Variants in STARD9 observed in about 807,000 individuals in gnomAD.
STARD9 encodes stAR-related lipid transfer protein 9.
STARD9 carries 346 observed loss-of-function variants against 399.8 expected under a neutral mutation model. The ratio of observed to expected loss-of-function variants is 0.87; its 90% CI spans 0.79 to 0.95. STARD9 has a LOEUF of 0.95. Among genes scored for constraint, STARD9 ranks in the 40% least tolerant of loss-of-function variants. STARD9 has a pLI of 0.00. For synonymous variants in STARD9, 2,203 were observed against 2,143.5 expected (o/e 1.03, Z -0.77); for missense variants, 5,832 against 5,667.5 (o/e 1.03, Z -0.93).
In STARD9 at chr15:42,626,423, CTCT is replaced by C. The variant is rs373300237; in HGVS notation, c.235-8421_235-8419del. On this transcript the variant is annotated intron_variant, in intron 3 of 32. Transcript: ENST00000290607. ...CCTCCTCTTCTTCCTCCTCCTCCTC[CTCT>C]TCTTCTTCTTCCTTCTCCTCCTCCT... is the stretch of plus-strand genomic sequence containing the variant. Among the ~76,000 whole-genome samples the C allele has an allele frequency of 9.3e-3, 1,372 of 148,024 alleles. 9 individuals carry two copies. Among genetic ancestry groups the C allele is most frequent in the East Asian group, 0.026 (130 of 5,034 alleles).
At chr15:42,671,366 A>G (rs1351679236) in intron 16 of STARD9, 1 of 152,158 alleles carries the variant, frequency 6.6e-6, no homozygotes, top group Non-Finnish European at 1.5e-5. Context: ...TTTTGTGCAG[A>G]GGGGTGCTTC....
chr15:42,677,435 A>G (rs2060333525), intron 20 of STARD9, among the ~76,000 whole-genome samples: 1 of 152,212 alleles, frequency 6.6e-6, no homozygotes, highest in African/African-American at 2.4e-5. Context: ...AAGAGGTGAC[A>G]CAAGGTGGAC....
Position 42,604,626 on chromosome 15 carries a change from ATTTTTTTTTTT to A in STARD9, c.234+19009_234+19019del, listed in dbSNP as rs11349330. 5.6e-3 allele frequency among the ~76,000 whole-genome samples: 306 copies of A among 54,762 alleles called. 2 individuals carry two copies. The highest frequency in any genetic ancestry group is 0.017 in the African/African-American group (289 of 17,226). The allele number at this position is 54,762 out of a possible 152,430, so 35.9% of individuals were successfully genotyped here. A position where few individuals can be genotyped will look rare whatever the true frequency, so the allele number is the denominator to read the frequency against. The stretch of plus-strand genomic sequence containing the variant: ...GATTGCTTTATTCAGGATCAAATTG[ATTTTTTTTTTT>A]TTTTTTTTTTTTTTTTTTTGAGACA... On this transcript the variant is annotated intron_variant, in intron 3 of 32. Coordinates refer to ENST00000290607, the MANE Select transcript of STARD9 (RefSeq NM_020759.3).
intron 3 of STARD9, among the ~76,000 whole-genome samples, chr15:42,606,585 A>G (rs1290019259): frequency 2.0e-5 from 3 of 149,538 alleles, no homozygotes; most frequent in African/African-American, 7.4e-5. Context: ...CCTCCCAAGT[A>G]CCTGGGAACA....
intron 26 of STARD9, among the ~76,000 whole-genome samples, chr15:42,708,302 T>TA (rs1286421763): frequency 6.6e-6 from 1 of 152,262 alleles, no homozygotes; most frequent in African/African-American, 2.4e-5. Flanking sequence ...GTTAGCAAAC[T>TA]ATGGCCCTTT....
At position 42,693,715 on chromosome 15, in the gene STARD9, G is replaced by C. The variant is rs531428565; in HGVS notation, c.12137G>C (p.Gly4046Ala). The stretch of plus-strand genomic sequence containing the variant: ...TCCCCGGAGCATTGCCCACTGAGCG[G>C]TAGGGAGCCAAGTCAGTGGCAGAGC... ...VASPEHCPLS[G>A]REPSQWQSRT... The change falls in exon 23 of 33, where the codon GGT becomes GCT. Residue 4046 changes from glycine to alanine, a missense_variant. Gly to Ala is a moderately conservative substitution (Grantham distance 60). This residue lies in a region of STARD9 where 5,828 missense variants were observed against 5,651.1 expected (regional missense o/e 1.03). Transcript: ENST00000290607. 1.2e-4 allele frequency: 180 copies of C among 1,537,074 alleles called. No individual in the cohort carries two copies. In the African/African-American group the frequency reaches 2.2e-3, roughly 19 times the overall value.
In STARD9 at chr15:42,682,385, G is replaced by A. The variant is rs951130245; in HGVS notation, c.2347G>A (p.Glu783Lys). 4 of 1,537,122 alleles carry A rather than the reference G, an allele frequency of 2.6e-6. No homozygotes were observed. The African/African-American group carries it at 4.1e-5, about 16-fold the overall frequency. ...ERIIKKQRLLEAQKRLEKLTT... is the reference protein window; with the variant it reads ...ERIIKKQRLLKAQKRLEKLTT... Reference sequence around the variant, plus strand: ...AATCATCAAAAAGCAGAGGCTGCTGGAGGCCCAGAAGAGACTGGAGAAGCT... The same window carrying A: ...AATCATCAAAAAGCAGAGGCTGCTGAAGGCCCAGAAGAGACTGGAGAAGCT... The change falls in exon 22 of 33, where the codon GAG becomes AAG. Residue 783 changes from glutamate (E) to lysine (K), a missense_variant. Glu to Lys is a moderately conservative substitution (Grantham distance 56). Transcript: ENST00000290607.
In STARD9 at chr15:42,684,269, C is replaced by G. The variant is rs1346931215; in HGVS notation, c.2691C>G (p.Ser897=). 1 of 1,537,264 alleles carries G rather than the reference C, an allele frequency of 6.5e-7. No individual in the cohort carries two copies. The highest frequency in any genetic ancestry group is 8.7e-7 in the Non-Finnish European group (1 of 1,146,914). ...GCCTCCGCAAGAACGGCCTGCATTC[C>G]TCAGGTCATGGGCAGCCCTGCACAG... ...TGCLRKNGLH[S]SGHGQPCTAR... is the part of the protein sequence containing the mutation. Residue 897 remains serine, a synonymous_variant, in exon 23 of 33, where the codon TCC becomes TCG. Coordinates refer to ENST00000290607, the MANE Select transcript of STARD9 (RefSeq NM_020759.3).
chr15:42,684,479 C>A lies in STARD9; in HGVS notation c.2901C>A (p.Ile967=). 6.5e-7 allele frequency: 1 copy of A among 1,537,216 alleles called. No homozygotes were observed. The stretch of plus-strand genomic sequence containing the variant: ...TAAAGCCAAGGCATGAGCCAAAGAT[C>A]TTCACCTCTACTACCCAGACCAGAG... ...NKLKPRHEPK[I]FTSTTQTRGA... is the part of the protein sequence containing the mutation. Residue 967 remains isoleucine, a synonymous_variant, in exon 23 of 33, where the codon ATC becomes ATA. Transcript: ENST00000290607.
intron 3 of STARD9, among the ~76,000 whole-genome samples, chr15:42,596,899 A>G (rs944106731): frequency 6.6e-6 from 1 of 152,220 alleles, no homozygotes; most frequent in Admixed American, 6.5e-5. Context: ...TTCCCTTTCT[A>G]TACCTCCCAC....
chr15:42,648,851 G>A (rs1221002800), intron 7 of STARD9, among the ~76,000 whole-genome samples: 4 of 151,654 alleles, frequency 2.6e-5, no homozygotes, highest in Non-Finnish European at 5.9e-5. Context: ...GGTATGTTAA[G>A]GCCTATTGCC....
intron 3 of STARD9, chr15:42,630,079 C>A (rs1011924041): frequency 1.4e-5 from 2 of 148,136 alleles, no homozygotes; most frequent in African/African-American, 5.0e-5. Context: ...TCTTGGCTTA[C>A]CGCAACCTCC....
At chr15:42,697,091 T>TC (rs1271778656) in intron 26 of STARD9, among the ~76,000 whole-genome samples, 3 of 152,218 alleles carry the variant, frequency 2.0e-5, no homozygotes, top group Non-Finnish European at 4.4e-5. Flanking sequence ...CTATTTGCTT[T>TC]CCCCAGAAGC....
rs985616244 is a variant in STARD9 at position 42,692,053 on chromosome 15, T to C, written c.10475T>C (p.Val3492Ala). ...AAGCAGTATATGTCTGGCAGTGCAG[T>C]CGATGTTTCCTGCAGCCAGAAGCCC... ...SWKQYMSGSA[V>A]DVSCSQKPQG... Residue 3492 changes from valine to alanine, a missense_variant, in exon 23 of 33, where the codon GTC becomes GCC. Val to Ala is a moderately conservative substitution (Grantham distance 64, BLOSUM62 0). Coordinates refer to ENST00000290607, the MANE Select transcript of STARD9 (RefSeq NM_020759.3). 13 of 1,537,222 alleles carry C rather than the reference T, an allele frequency of 8.5e-6. No homozygotes were observed. The highest frequency in any genetic ancestry group is 1.4e-5 in the African/African-American group (1 of 73,152).
chr15:42,695,448 T>C (rs2060822424), intron 25 of STARD9, 125 bp downstream of exon 25: 3 of 947,476 alleles, frequency 3.2e-6, no homozygotes, highest in South Asian at 1.8e-5. Flanking sequence ...GGGACCCCTG[T>C]TGTCAACTCA....
At chr15:42,667,550 C>T (rs555245327) in intron 15 of STARD9, among the ~76,000 whole-genome samples, 68 of 151,040 alleles carry the variant, frequency 4.5e-4, no homozygotes, top group African/African-American at 1.5e-3. Flanking sequence ...GGTGTAATCT[C>T]GGCTCGCTGT....
At chr15:42,579,084 T>TGGGC (rs2058116310) in intron 1 of STARD9, among the ~76,000 whole-genome samples, 5 of 152,186 alleles carry the variant, frequency 3.3e-5, no homozygotes, top group Admixed American at 6.5e-5. Context: ...TGCTTTAATC[T>TGGGC]TTCTATGAGG....
chr15:42,605,382 C>G (rs572120215), intron 3 of STARD9, among the ~76,000 whole-genome samples: 5 of 152,228 alleles, frequency 3.3e-5, no homozygotes, highest in African/African-American at 9.6e-5. Context: ...ACAATAGAAG[C>G]CTGAAATCAA....
At chr15:42,603,435 G>C (rs1013823587) in intron 3 of STARD9, among the ~76,000 whole-genome samples, 1 of 152,086 alleles carries the variant, frequency 6.6e-6, no homozygotes, top group Non-Finnish European at 1.5e-5. Flanking sequence ...TTTTAGAATT[G>C]TGAGCAGGTG....
Sources: allele counts gnomAD v4.1 joint callset (sites outside exome capture counted in the v4.1 genomes callset), GRCh38; gene constraint gnomAD v4.1.1; regional missense constraint gnomAD v4.1.1; transcripts MANE v1.5; gene names NCBI Gene and HGNC (gene_info 2026-07-23, HGNC 2026-07-21).